ADAMTS19: variants seen among roughly 807,000 people sequenced by gnomAD.
ADAMTS19 encodes the protein ADAM metallopeptidase with thrombospondin type 1 motif 19.
ADAMTS19 carries 93 observed loss-of-function variants against 153.3 expected under a neutral mutation model. The ratio of observed to expected loss-of-function variants is 0.61; its 90% CI spans 0.51 to 0.72. ADAMTS19 has a LOEUF of 0.72. Among genes scored for constraint, ADAMTS19 ranks in the 30% least tolerant of loss-of-function variants. The pLI is 0.00. For synonymous variants in ADAMTS19, 600 were observed against 556.6 expected, an observed-to-expected ratio of 1.08 and a Z score of -1.10; for missense variants, 1,482 against 1,552.1, an observed-to-expected ratio of 0.95 and a Z score of 0.76.
chr5:129,497,534 C>T (rs1750966818), intron 2 of ADAMTS19, among the ~76,000 whole-genome samples: 1 of 152,104 alleles, frequency 6.6e-6, no homozygotes, highest in South Asian at 2.1e-4. Flanking sequence ...GATAAGTGCT[C>T]ATCAGAAACT....
intron 2 of ADAMTS19, among the ~76,000 whole-genome samples, chr5:129,473,495 T>C (rs1750132392): frequency 6.6e-6 from 1 of 152,120 alleles, no homozygotes; most frequent in Non-Finnish European, 1.5e-5. Context: ...AACTTTAAAC[T>C]TTTATTACAA....
chr5:129,612,747 T>C (rs1751295209), intron 8 of ADAMTS19, among the ~76,000 whole-genome samples: 2 of 151,938 alleles, frequency 1.3e-5, no homozygotes, highest in African/African-American at 4.8e-5. Context: ...GACTGGCAAA[T>C]TGGATAAAGA....
intron 8 of ADAMTS19, among the ~76,000 whole-genome samples, chr5:129,606,869 A>G (rs1224520784): frequency 6.6e-6 from 1 of 152,064 alleles, no homozygotes; most frequent in Non-Finnish European, 1.5e-5. Context: ...TCGTGAAAGT[A>G]AATTTGAAAG....
At chr5:129,462,491 G>C (rs1212231487) in intron 2 of ADAMTS19, among the ~76,000 whole-genome samples, 1 of 152,126 alleles carries the variant, frequency 6.6e-6, no homozygotes, top group African/African-American at 2.4e-5. Flanking sequence ...TAAAAGGCCT[G>C]TTGGGATGGA....
At position 129,613,609 on chromosome 5, in the gene ADAMTS19, C is replaced by A. The variant is rs528065449; in HGVS notation, c.1479-7009C>A. Among the ~76,000 whole-genome samples the A allele has an allele frequency of 1.3e-3, 204 of 152,222 alleles. 2 individuals are homozygous for A. The highest frequency in any genetic ancestry group is 2.1e-3 in the Non-Finnish European group (143 of 68,014). Reference sequence around the variant, plus strand: ...GAAAGATCTAAAATTGACACCCTAACATCACAATTAAAAGAATTAGTGAAG... The same window carrying A: ...GAAAGATCTAAAATTGACACCCTAAAATCACAATTAAAAGAATTAGTGAAG... On this transcript the variant is annotated intron_variant, in intron 8 of 22. Transcript: ENST00000274487.
intron 19 of ADAMTS19, 138 bp from the exon 20 acceptor site, chr5:129,701,250 G>A (rs1377775844): frequency 1.1e-6 from 1 of 919,010 alleles, no homozygotes; most frequent in Non-Finnish European, 1.7e-6. Context: ...CAGCCACATG[G>A]AACTGTGTCA....
intron 3 of ADAMTS19, among the ~76,000 whole-genome samples, chr5:129,519,104 A>G (rs528977318): frequency 1.3e-5 from 2 of 152,180 alleles, no homozygotes; most frequent in Non-Finnish European, 2.9e-5. Flanking sequence ...ACCTGAAGCC[A>G]GTAAGTCTCA....
rs1397103400 is a variant in ADAMTS19, at chr5:129,551,925, C to T, written c.1372+18C>T. Reference sequence around the variant, plus strand: ...TACTGTTGGTAAGTGTGAAAATTCTCACACTTTTGGAGTTCTGGAGAACTT... The same window carrying T: ...TACTGTTGGTAAGTGTGAAAATTCTTACACTTTTGGAGTTCTGGAGAACTT... On this transcript the variant is annotated intron_variant, in intron 7 of 22. Coordinates refer to ENST00000274487, the MANE Select transcript of ADAMTS19 (RefSeq NM_133638.6). 2 of 1,542,380 alleles carry T rather than the reference C, an allele frequency of 1.3e-6. No homozygotes were observed. The highest frequency in any genetic ancestry group is 1.8e-6 in the Non-Finnish European group (2 of 1,142,290).
At chr5:129,493,113 C>A (rs998100269) in intron 2 of ADAMTS19, among the ~76,000 whole-genome samples, 1 of 151,902 alleles carries the variant, frequency 6.6e-6, no homozygotes, top group African/African-American at 2.4e-5. Flanking sequence ...ATTTGTGAAC[C>A]CAGAGTGGTA....
At chr5:129,664,629 T>C (rs1380058666) in intron 15 of ADAMTS19, among the ~76,000 whole-genome samples, 1 of 152,068 alleles carries the variant, frequency 6.6e-6, no homozygotes, top group Non-Finnish European at 1.5e-5. Context: ...GAGACAACTC[T>C]GGAATTAGCT....
chr5:129,666,423 A>C (rs1444024704), intron 16 of ADAMTS19, among the ~76,000 whole-genome samples: 1 of 152,180 alleles, frequency 6.6e-6, no homozygotes, highest in Non-Finnish European at 1.5e-5. Flanking sequence ...TTTTTTAACA[A>C]AAATAATGTC....
chr5:129,498,568 T>A (rs1470337079), intron 2 of ADAMTS19, among the ~76,000 whole-genome samples: 1 of 152,094 alleles, frequency 6.6e-6, no homozygotes, highest in Non-Finnish European at 1.5e-5. Flanking sequence ...TTATAAATGA[T>A]AATTAGAAGT....
At chr5:129,736,101 A>G (rs72792849) in intron 22 of ADAMTS19, among the ~76,000 whole-genome samples, 16,236 of 152,104 alleles carry the variant, frequency 0.11, 982 homozygotes, top group South Asian at 0.18. Context: ...TTCAAGGTGA[A>G]TAACACTAAT....
chr5:129,684,425 T>A, intron 18 of ADAMTS19, 152 bp downstream of exon 18: 1 of 966,820 alleles, frequency 1.0e-6, no homozygotes, highest in Non-Finnish European at 1.5e-6. Flanking sequence ...GTTTAGTGGC[T>A]AAACACCTGA....
intron 2 of ADAMTS19, among the ~76,000 whole-genome samples, chr5:129,484,429 A>G (rs1750522788): frequency 6.6e-6 from 1 of 152,104 alleles, no homozygotes; most frequent in African/African-American, 2.4e-5. Context: ...TCATATTTTT[A>G]TAATTTTGTT....
intron 11 of ADAMTS19, among the ~76,000 whole-genome samples, chr5:129,643,745 T>C (rs1398885199): frequency 6.6e-6 from 1 of 152,202 alleles, no homozygotes; most frequent in Non-Finnish European, 1.5e-5. Flanking sequence ...ATATTTCCTA[T>C]AAGCTTAAAC....
At position 129,570,454 on chromosome 5, in the gene ADAMTS19, C is replaced by G. The variant is rs146882976; in HGVS notation, c.1372+18547C>G. ...TTTTAAAATCACCCAAAAATAAAAT[C>G]TCCAGCACTAGGATGTTTCATTAGT... On this transcript the variant is annotated intron_variant, in intron 7 of 22. Transcript: ENST00000274487. Among the ~76,000 whole-genome samples, 742 of 151,658 alleles carry G rather than the reference C, an allele frequency of 4.9e-3. 5 individuals carry two copies. The highest frequency in any genetic ancestry group is 0.017 in the African/African-American group (688 of 41,426).
At chr5:129,569,634 A>T (rs1753828683) in intron 7 of ADAMTS19, among the ~76,000 whole-genome samples, 1 of 152,126 alleles carries the variant, frequency 6.6e-6, no homozygotes, top group African/African-American at 2.4e-5. Context: ...CCTGGGCAAA[A>T]TGGAATTTAA....
At chr5:129,693,205 T>G (rs565060357) in intron 18 of ADAMTS19, among the ~76,000 whole-genome samples, 205 of 152,340 alleles carry the variant, frequency 1.3e-3, no homozygotes, top group South Asian at 8.5e-3. Flanking sequence ...TGCTGTTTAC[T>G]TAGCCAACCA....
Sources: allele counts gnomAD v4.1 joint callset (sites outside exome capture counted in the v4.1 genomes callset), GRCh38; gene constraint gnomAD v4.1.1; transcripts MANE v1.5; gene names NCBI Gene and HGNC (gene_info 2026-07-23, HGNC 2026-07-21).